Variants in OTOA observed in about 807,000 individuals in gnomAD.
The protein encoded by OTOA is otoancorin.
A neutral mutation model predicts 110.8 loss-of-function variants in OTOA; 70 were observed. The observed-to-expected ratio is 0.63, with a 90% CI of 0.52 to 0.77. The LOEUF is 0.77. OTOA is among the 30% of genes least tolerant of loss of function. The pLI is 0.00. For missense variants in OTOA, 917 were observed against 1,075.8 expected (o/e 0.85, Z 2.06); for synonymous variants, 373 against 431.5 (o/e 0.86, Z 1.68).
intron 28 of OTOA, among the ~76,000 whole-genome samples, chr16:21,758,677 T>C (rs1032839140): frequency 2.7e-5 from 4 of 150,024 alleles, no homozygotes; most frequent in African/African-American, 9.7e-5. Context: ...AAATCATGCC[T>C]TTTGATGTAT....
intron 12 of OTOA, chr16:21,705,591 T>A: frequency 2.3e-6 from 1 of 428,622 alleles, no homozygotes. Context: ...GGGAGGATCA[T>A]TTGAGGCCAG....
Position 21,719,172 on chromosome 16 carries a change from A to C in OTOA, c.1669A>C (p.Arg557=). Reference sequence around the variant, plus strand: ...TGAGCTTCTGTTAAAGACCACCAGAAGGCCTGAGGAGCTTTTGAGGTAGGA... The same window carrying C: ...TGAGCTTCTGTTAAAGACCACCAGACGGCCTGAGGAGCTTTTGAGGTAGGA... The part of the protein sequence containing the change: ...LYELLLKTTR[R]PEELLSAGQL... Residue 557 remains arginine (R), a synonymous_variant, in exon 16 of 29, where the codon AGG becomes CGG. Transcript: ENST00000646100. 2 of 1,614,088 alleles carry C rather than the reference A, an allele frequency of 1.2e-6. No individual in the cohort carries two copies. The highest frequency in any genetic ancestry group is 1.7e-6 in the Non-Finnish European group (2 of 1,180,016).
chr16:21,721,885 C>G (rs1223744156), intron 17 of OTOA, among the ~76,000 whole-genome samples: 1 of 150,766 alleles, frequency 6.6e-6, no homozygotes, highest in Non-Finnish European at 1.5e-5. Flanking sequence ...GAGTGAGACT[C>G]TATCTCTAAA....
rs943035617 is a variant in OTOA, at chr16:21,697,265, C to T, written c.740-510C>T. Among the ~76,000 whole-genome samples the T allele has an allele frequency of 8.0e-4, 121 of 152,050 alleles. 1 individual carries two copies. The highest frequency in any genetic ancestry group is 1.4e-3 in the Non-Finnish European group (98 of 68,006). On this transcript the variant is annotated intron_variant, in intron 9 of 28. Transcript: ENST00000646100. ...TTGAGTAACAAGGTCTGAGGTGGTG[C>T]GAATCTGTGTTCACATCCTACGTGT...
intron 6 of OTOA, among the ~76,000 whole-genome samples, chr16:21,684,176 C>A (rs913507232): frequency 2.0e-5 from 3 of 151,848 alleles, no homozygotes; most frequent in Non-Finnish European, 4.4e-5. Flanking sequence ...TTTAACTGAG[C>A]ATCCTGTATT....
At chr16:21,681,626 G>A (rs1199649380) in intron 5 of OTOA, 112 bp from the exon 6 acceptor site, 1 of 839,404 alleles carries the variant, frequency 1.2e-6, no homozygotes, top group Non-Finnish European at 2.0e-6. Context: ...CAAGTACAAA[G>A]TCCTAACACC....
intron 9 of OTOA, among the ~76,000 whole-genome samples, chr16:21,695,884 TATATA>T (rs1567372624): frequency 5.5e-5 from 3 of 54,646 alleles, no homozygotes; most frequent in South Asian, 6.5e-4. Context: ...TATATATATA[TATATA>T]TATTTTTTTT....
intron 13 of OTOA, among the ~76,000 whole-genome samples, chr16:21,710,587 A>G (rs1898326162): frequency 6.6e-6 from 1 of 152,198 alleles, no homozygotes; most frequent in African/African-American, 2.4e-5. Flanking sequence ...CAGTAAGAAG[A>G]TGATGCTGAG....
At chr16:21,707,592 C>CT (rs1420938121) in intron 12 of OTOA, among the ~76,000 whole-genome samples, 1 of 107,282 alleles carries the variant, frequency 9.3e-6, no homozygotes, top group East Asian at 3.8e-4. Context: ...CTTCTCCTTC[C>CT]TTTTCTTTCT....
At chr16:21,690,307 G>C (rs1272456197) in intron 8 of OTOA, among the ~76,000 whole-genome samples, 1 of 151,938 alleles carries the variant, frequency 6.6e-6, no homozygotes, top group African/African-American at 2.4e-5. Context: ...ATCAAGCCCA[G>C]CATGCATTAG....
intron 6 of OTOA, 131 bp downstream of exon 6, chr16:21,681,956 T>A (rs529590101): frequency 7.3e-6 from 6 of 824,640 alleles, no homozygotes; most frequent in Non-Finnish European, 1.2e-5. Context: ...AAGGGTTCTG[T>A]CCAGTTTTTC....
chr16:21,714,460 C>CT (rs1344391659), intron 13 of OTOA, among the ~76,000 whole-genome samples: 43 of 137,986 alleles, frequency 3.1e-4, no homozygotes, highest in East Asian at 8.5e-4. Context: ...CTCTCTCTCT[C>CT]TTCTTTCTTT....
At chr16:21,716,789 TC>T in intron 14 of OTOA, 117 bp from the exon 15 acceptor site, 1 of 1,215,280 alleles carries the variant, frequency 8.2e-7, no homozygotes, top group Non-Finnish European at 1.2e-6. Context: ...ACTCTCCACT[TC>T]CTAGGGTTGC....
intron 20 of OTOA, 95 bp downstream of exon 20, chr16:21,728,526 G>A (rs1899004349): frequency 7.2e-7 from 1 of 1,386,606 alleles, no homozygotes; most frequent in East Asian, 2.5e-5. Flanking sequence ...AGAGTCTCTG[G>A]CTTAGGATGA....
At chr16:21,666,230 G>A (rs922184686) in intron 1 of OTOA, among the ~76,000 whole-genome samples, 9 of 148,584 alleles carry the variant, frequency 6.1e-5, no homozygotes, top group Admixed American at 4.1e-4. Flanking sequence ...TGGATTAATA[G>A]TCATGAAATG....
At chr16:21,730,583 C>T (rs1336392139) in intron 20 of OTOA, 4 of 431,154 alleles carry the variant, frequency 9.3e-6, no homozygotes. Context: ...TGAATGTCCT[C>T]CAATATCCTC....
intron 18 of OTOA, among the ~76,000 whole-genome samples, chr16:21,725,683 T>A (rs1030400518): frequency 2.0e-5 from 3 of 152,050 alleles, no homozygotes; most frequent in Non-Finnish European, 4.4e-5. Context: ...CGGAAGAACA[T>A]GTTTGGGGGA....
At chr16:21,705,572 G>A (rs1386328494) in intron 12 of OTOA, 1 of 444,722 alleles carries the variant, frequency 2.2e-6, no homozygotes. Context: ...CACTTTGGGA[G>A]GCCAAGATGG....
At chr16:21,755,429 C>A (rs1452675371) in intron 27 of OTOA, among the ~76,000 whole-genome samples, 1 of 96,320 alleles carries the variant, frequency 1.0e-5, no homozygotes, top group East Asian at 3.1e-4. Flanking sequence ...CAAAAAAGTA[C>A]CTCTCTGACC....
Sources: gnomAD v4.1 joint callset for allele counts (sites outside exome capture counted in the v4.1 genomes callset) on GRCh38, gnomAD v4.1.1 for gene constraint, MANE v1.5 for transcripts, NCBI Gene and HGNC (gene_info 2026-07-23, HGNC 2026-07-21) for gene names.